The following LEPR variants were observed in gnomAD, a reference collection of about 807,000 sequenced individuals.
LEPR encodes OB receptor.
LEPR carries 56 observed loss-of-function variants against 114.7 expected under a neutral mutation model. That is an observed-to-expected ratio of 0.49 (90% CI 0.39 to 0.61). LEPR has a LOEUF of 0.61. Ranked by LOEUF, LEPR falls within the 20% of genes least tolerant of loss-of-function variation. The pLI, the probability that LEPR is intolerant of heterozygous loss-of-function variation, is 0.00. For missense variants in LEPR, 1,202 were observed against 1,352.9 expected, an observed-to-expected ratio of 0.89 and a Z score of 1.75; for synonymous variants, 443 against 461.4, an observed-to-expected ratio of 0.96 and a Z score of 0.51.
chr1:65,626,113 C>T, intron 19 of LEPR: 1 of 1,611,112 alleles, frequency 6.2e-7, no homozygotes, highest in South Asian at 1.1e-5. Context: ...ATTATTTTTC[C>T]CTTTTCCAGA....
At chr1:65,604,277 C>G (rs1656657362) in intron 10 of LEPR, among the ~76,000 whole-genome samples, 1 of 151,992 alleles carries the variant, frequency 6.6e-6, no homozygotes, top group Non-Finnish European at 1.5e-5. Context: ...AAATGCCTTT[C>G]TAATAAGAAT....
chr1:65,553,131 C>T (rs1022300750), intron 2 of LEPR, among the ~76,000 whole-genome samples: 8 of 152,198 alleles, frequency 5.3e-5, no homozygotes, highest in Admixed American at 3.9e-4. Flanking sequence ...TGACCTTTCT[C>T]TCTGGCTGCC....
chr1:65,428,440 G>A (rs762788977), intron 2 of LEPR, among the ~76,000 whole-genome samples: 15 of 152,196 alleles, frequency 9.9e-5, no homozygotes, highest in Non-Finnish European at 1.9e-4. Flanking sequence ...AGTAGAGAAT[G>A]TCTAAGGGCT....
chr1:65,568,711 A>C (rs1282067993), intron 3 of LEPR, among the ~76,000 whole-genome samples: 1 of 152,142 alleles, frequency 6.6e-6, no homozygotes, highest in African/African-American at 2.4e-5. Context: ...TGCTGGATTG[A>C]ATGATAGTTC....
chr1:65,486,215 T>C (rs1647478375), intron 2 of LEPR, among the ~76,000 whole-genome samples: 1 of 152,148 alleles, frequency 6.6e-6, no homozygotes, highest in Non-Finnish European at 1.5e-5. Context: ...ATATATTTTA[T>C]TCATGAAAAA....
In LEPR at chr1:65,619,925, C is replaced by T. The variant is rs1657774736; in HGVS notation, c.2396-3C>T. Reference sequence around the variant, plus strand: ...TGAGCCTTTTACGTATTTTTCTCCTCAGATCATTTTATCCCCATTGAGAAG... The same window carrying T: ...TGAGCCTTTTACGTATTTTTCTCCTTAGATCATTTTATCCCCATTGAGAAG... On this transcript the variant is annotated splice_polypyrimidine_tract_variant and splice_region_variant and intron_variant, in intron 16 of 19. Transcript: ENST00000349533. 1 of 1,610,094 alleles carries T rather than the reference C, an allele frequency of 6.2e-7. No individual in the cohort carries two copies.
At chr1:65,527,701 A>C (rs987422887) in intron 2 of LEPR, among the ~76,000 whole-genome samples, 1 of 152,222 alleles carries the variant, frequency 6.6e-6, no homozygotes, top group African/African-American at 2.4e-5. Context: ...GTACTCTTTT[A>C]TGAGTACATT....
intron 2 of LEPR, among the ~76,000 whole-genome samples, chr1:65,469,184 G>A (rs956570294): frequency 5.9e-5 from 9 of 152,164 alleles, no homozygotes; most frequent in South Asian, 4.1e-4. Flanking sequence ...TGCTGAGTCC[G>A]GTGGGCTAAT....
intron 2 of LEPR, among the ~76,000 whole-genome samples, chr1:65,519,153 TTTCC>T (rs1185272343): frequency 1.8e-5 from 2 of 112,202 alleles, no homozygotes; most frequent in East Asian, 2.4e-4. Flanking sequence ...CCTTCCTTCC[TTTCC>T]TTCCTTCCTT....
At chr1:65,515,947 G>C (rs1318471561) in intron 2 of LEPR, among the ~76,000 whole-genome samples, 2 of 152,172 alleles carry the variant, frequency 1.3e-5, no homozygotes, top group African/African-American at 4.8e-5. Flanking sequence ...TTGAAACTCA[G>C]ATTCTCCTGA....
intron 2 of LEPR, among the ~76,000 whole-genome samples, chr1:65,485,255 C>T (rs570707845): frequency 6.6e-6 from 1 of 152,274 alleles, no homozygotes; most frequent in South Asian, 2.1e-4. Flanking sequence ...AGTCAACACA[C>T]GTTCATAATT....
At position 65,638,518 on chromosome 1, in the gene LEPR, A is replaced by G. The variant is rs921952879; in HGVS notation, c.*1503A>G. ...CCTATGGGTTTTTAAAAATTATCAG[A>G]ATTTCATATTTAGACCGAGACAAGA... On this transcript the variant is annotated 3_prime_UTR_variant, in exon 20 of 20. Coordinates refer to ENST00000349533, the MANE Select transcript of LEPR (RefSeq NM_002303.6). 3 of 152,156 alleles carry G rather than the reference A, an allele frequency of 2.0e-5. No individual in the cohort carries two copies. Among genetic ancestry groups the G allele is most frequent in the African/African-American group, 7.2e-5 (3 of 41,430 alleles). 9.4% of individuals were successfully genotyped at this position (152,156 alleles called of 1,614,324 possible).
chr1:65,447,921 G>T (rs1329906521), intron 2 of LEPR, among the ~76,000 whole-genome samples: 1 of 152,118 alleles, frequency 6.6e-6, no homozygotes, highest in African/African-American at 2.4e-5. Context: ...GGAGTCTGTT[G>T]TTTATTCTTT....
At chr1:65,609,920 A>G in intron 12 of LEPR, 27 bp from the exon 13 acceptor site, 1 of 1,614,112 alleles carries the variant, frequency 6.2e-7, no homozygotes, top group Non-Finnish European at 8.5e-7. Flanking sequence ...GGTAATGATC[A>G]ATCTAATGCT....
At chr1:65,434,319 CTCT>C in intron 2 of LEPR, 1 of 984,736 alleles carries the variant, frequency 1.0e-6, no homozygotes, top group Non-Finnish European at 1.2e-6. Context: ...TTATAAAAGG[CTCT>C]TTTTTTATAT....
At chr1:65,469,936 A>G (rs1009388321) in intron 2 of LEPR, among the ~76,000 whole-genome samples, 29 of 152,326 alleles carry the variant, frequency 1.9e-4, no homozygotes, top group African/African-American at 7.0e-4. Context: ...AGCACACAGC[A>G]TTGATATTTG....
Position 65,641,155 on chromosome 1 carries a change from GTC to G in LEPR, c.*4142_*4143del, listed in dbSNP as rs1644863815. ...TTTATTTTGGAAAGCTGCTGAAAATGTCTTTTTCAAAATTAATTATGCTTAAG... is the reference window on the plus strand; with the variant it reads ...TTTATTTTGGAAAGCTGCTGAAAATGTTTTTCAAAATTAATTATGCTTAAG... On this transcript the variant is annotated 3_prime_UTR_variant, in exon 20 of 20. Transcript: ENST00000349533. The G allele has an allele frequency of 6.6e-6, 1 of 152,102 alleles. No individual in the cohort carries two copies. The highest frequency in any genetic ancestry group is 1.9e-4 in the East Asian group (1 of 5,200). 9.4% of individuals were successfully genotyped at this position (152,102 alleles called of 1,614,324 possible). A position where few individuals can be genotyped will look rare whatever the true frequency, so the allele number is the denominator to read the frequency against.
intron 2 of LEPR, among the ~76,000 whole-genome samples, chr1:65,550,499 C>A (rs878934696): frequency 6.6e-6 from 1 of 152,220 alleles, no homozygotes; most frequent in African/African-American, 2.4e-5. Flanking sequence ...GTTTTGTTTA[C>A]CTAAGGGAGC....
chr1:65,435,361 CTTTTCT>C (rs1173418548), intron 2 of LEPR: 1 of 818,462 alleles, frequency 1.2e-6, no homozygotes, highest in Non-Finnish European at 1.4e-6. Flanking sequence ...TGTGCCTTTT[CTTTTCT>C]TTTTTTTTTT....
Sources: allele counts gnomAD v4.1 joint callset (sites outside exome capture counted in the v4.1 genomes callset), GRCh38; gene constraint gnomAD v4.1.1; transcripts MANE v1.5; gene names NCBI Gene and HGNC (gene_info 2026-07-23, HGNC 2026-07-21).